Variants in IGF1 observed in about 807,000 individuals in gnomAD.
The protein encoded by IGF1 is insulin like growth factor 1.
A neutral mutation model predicts 13.8 loss-of-function variants in IGF1; 4 were observed. The ratio of observed to expected loss-of-function variants is 0.29; its 90% CI spans 0.14 to 0.66. The LOEUF (loss-of-function observed/expected upper bound fraction) is 0.66. IGF1 is among the 30% of genes least tolerant of loss of function. The pLI, the probability that IGF1 is intolerant of heterozygous loss-of-function variation, is 0.78. For synonymous variants in IGF1, 76 were observed against 72.6 expected (o/e 1.05, Z -0.23); for missense variants, 124 against 188.5 (o/e 0.66, Z 2.00).
chr12:102,440,504 C>A (rs749473291), intron 2 of IGF1, among the ~76,000 whole-genome samples: 1 of 152,194 alleles, frequency 6.6e-6, no homozygotes, highest in Non-Finnish European at 1.5e-5. Flanking sequence ...CCAGGTAGTG[C>A]GGCTGGTTCT....
intron 2 of IGF1, among the ~76,000 whole-genome samples, chr12:102,467,432 C>T (rs900725805): frequency 4.6e-5 from 7 of 152,252 alleles, no homozygotes; most frequent in South Asian, 4.1e-4. Flanking sequence ...TTTCCAGGAG[C>T]GCAGCTTTGC....
chr12:102,474,825 G>A (rs1880910847), intron 2 of IGF1, among the ~76,000 whole-genome samples: 1 of 152,210 alleles, frequency 6.6e-6, no homozygotes, highest in African/African-American at 2.4e-5. Flanking sequence ...AGTTCCCACA[G>A]GAATCATTGA....
At chr12:102,431,733 G>A (rs1022666784) in intron 2 of IGF1, among the ~76,000 whole-genome samples, 3 of 152,126 alleles carry the variant, frequency 2.0e-5, no homozygotes, top group South Asian at 4.2e-4. Context: ...AAGAATATGG[G>A]TGAAGGCATC....
At chr12:102,463,831 C>T (rs985152891) in intron 2 of IGF1, among the ~76,000 whole-genome samples, 4 of 152,196 alleles carry the variant, frequency 2.6e-5, no homozygotes, top group African/African-American at 4.8e-5. Context: ...GAAATGTAGC[C>T]TTGGCTTTCC....
At chr12:102,448,096 T>A (rs1390309327) in intron 2 of IGF1, among the ~76,000 whole-genome samples, 6 of 19,166 alleles carry the variant, frequency 3.1e-4, no homozygotes, top group Non-Finnish European at 5.6e-4. Flanking sequence ...CTCATGGGAC[T>A]GTAAACTAGT....
At chr12:102,423,717 T>G (rs1199943316) in intron 2 of IGF1, among the ~76,000 whole-genome samples, 1 of 152,294 alleles carries the variant, frequency 6.6e-6, no homozygotes, top group Non-Finnish European at 1.5e-5. Context: ...CAGGGCAAAC[T>G]TGCTAGTTAC....
intron 3 of IGF1, chr12:102,415,799 G>A (rs549635810): frequency 2.0e-5 from 3 of 152,310 alleles, no homozygotes; most frequent in Middle Eastern, 6.8e-3. Flanking sequence ...GATGGTTGTA[G>A]TAGGAATTGG....
At chr12:102,449,899 C>T (rs879627399) in intron 2 of IGF1, among the ~76,000 whole-genome samples, 15 of 151,954 alleles carry the variant, frequency 9.9e-5, no homozygotes, top group Non-Finnish European at 1.9e-4. Flanking sequence ...CACAAATGTG[C>T]GTAGGTAGAG....
intron 3 of IGF1, chr12:102,417,543 G>C (rs1041165019): frequency 8.7e-7 from 1 of 1,148,378 alleles, no homozygotes; most frequent in Non-Finnish European, 1.1e-6. Flanking sequence ...AGAATAGTGT[G>C]TCTTTTTTTG....
chr12:102,432,460 T>C (rs978817622), intron 2 of IGF1, among the ~76,000 whole-genome samples: 1 of 152,196 alleles, frequency 6.6e-6, no homozygotes, highest in African/African-American at 2.4e-5. Context: ...AATCCTATTT[T>C]GATGAAAGCC....
At chr12:102,478,163 A>C (rs1881183958) in intron 1 of IGF1, among the ~76,000 whole-genome samples, 1 of 151,782 alleles carries the variant, frequency 6.6e-6, no homozygotes, top group South Asian at 2.1e-4. Context: ...ACAATACCGA[A>C]CTTGCTTAGG....
chr12:102,478,769 T>C (rs1043508178), intron 1 of IGF1: 2 of 663,440 alleles, frequency 3.0e-6, no homozygotes, highest in African/African-American at 1.8e-5. Flanking sequence ...TGTATGCCTA[T>C]TGTAGCAGCC....
intron 1 of IGF1, 141 bp downstream of exon 1, chr12:102,480,178 T>C: frequency 3.8e-6 from 3 of 787,824 alleles, no homozygotes; most frequent in Non-Finnish European, 6.3e-6. Flanking sequence ...TTCCACAGAA[T>C]TGCATATTCA....
At chr12:102,479,948 TA>T (rs1881302968) in intron 1 of IGF1, among the ~76,000 whole-genome samples, 1 of 145,942 alleles carries the variant, frequency 6.9e-6, no homozygotes. Context: ...AACATGGTCT[TA>T]AAAATAAAAC....
chr12:102,474,501 A>G (rs907017613), intron 2 of IGF1, among the ~76,000 whole-genome samples: 4 of 152,172 alleles, frequency 2.6e-5, no homozygotes, highest in South Asian at 2.1e-4. Flanking sequence ...ACTGGTATAC[A>G]CAGGCCACCC....
chr12:102,480,232 A>G, intron 1 of IGF1, 87 bp downstream of exon 1: 2 of 1,283,164 alleles, frequency 1.6e-6, no homozygotes, highest in Non-Finnish European at 2.2e-6. Flanking sequence ...TGAAAATTTT[A>G]AAGTGAAGAA....
intron 2 of IGF1, among the ~76,000 whole-genome samples, chr12:102,473,622 A>G (rs1278513563): frequency 6.6e-6 from 1 of 152,216 alleles, no homozygotes; most frequent in African/African-American, 2.4e-5. Context: ...TGATTTACAA[A>G]GCCACTTTCT....
At chr12:102,417,891 C>G in intron 3 of IGF1, 1 of 1,614,010 alleles carries the variant, frequency 6.2e-7, no homozygotes, top group Non-Finnish European at 8.5e-7. Context: ...CTTCTTTCCT[C>G]TGATCTGCAG....
At position 102,396,131 on chromosome 12, in the gene IGF1, A is replaced by C. The variant is rs867293650; in HGVS notation, c.*6376T>G. 6.6e-6 allele frequency: 1 copy of C among 152,210 alleles called. No individual in the cohort carries two copies. The highest frequency in any genetic ancestry group is 2.1e-4 in the South Asian group (1 of 4,834). The allele number at this position is 152,210 out of a possible 1,614,324, so 9.4% of individuals were successfully genotyped here. ...ACTAAGACAGATGTAACGAATGGCC[A>C]GTCATTATTTTCTGGTTTCAAAGTA... On this transcript the variant is annotated 3_prime_UTR_variant, in exon 4 of 4. Transcript: ENST00000337514.
Sources: gnomAD v4.1 joint callset for allele counts (sites outside exome capture counted in the v4.1 genomes callset) on GRCh38, gnomAD v4.1.1 for gene constraint, MANE v1.5 for transcripts, NCBI Gene and HGNC (gene_info 2026-07-23, HGNC 2026-07-21) for gene names.